Variants in POLR3B observed in about 807,000 individuals in gnomAD.
POLR3B encodes RNA polymerase III subunit B.
POLR3B carries 96 observed loss-of-function variants against 147.4 expected under a neutral mutation model. The ratio of observed to expected loss-of-function variants is 0.65; its 90% CI spans 0.55 to 0.77. POLR3B has a LOEUF of 0.77. POLR3B is among the 30% of genes least tolerant of loss of function. POLR3B has a pLI of 0.00. For synonymous variants in POLR3B, 461 were observed against 485.9 expected (o/e 0.95, Z 0.67); for missense variants, 1,036 against 1,413.5 (o/e 0.73, Z 4.28).
At chr12:106,393,495 G>T (rs1593015225) in intron 10 of POLR3B, among the ~76,000 whole-genome samples, 1 of 32,516 alleles carries the variant, frequency 3.1e-5, no homozygotes, top group Admixed American at 5.8e-4. Context: ...CAGGTTTTGT[G>T]TGTGTGTGTG....
intron 10 of POLR3B, among the ~76,000 whole-genome samples, chr12:106,402,495 A>C (rs1345659895): frequency 6.6e-6 from 1 of 152,242 alleles, no homozygotes; most frequent in Non-Finnish European, 1.5e-5. Context: ...AAGAGCCCGC[A>C]TCGCCAAGTC....
chr12:106,360,200 G>A (rs1309606013), intron 1 of POLR3B, among the ~76,000 whole-genome samples: 3 of 152,236 alleles, frequency 2.0e-5, no homozygotes, highest in Non-Finnish European at 2.9e-5. Flanking sequence ...TGCAGCCAGA[G>A]CTGTCCGTTT....
At position 106,416,386 on chromosome 12, in the gene POLR3B, C is replaced by T. The variant is rs140851398; in HGVS notation, c.1101+5426C>T. Among the ~76,000 whole-genome samples the T allele has an allele frequency of 2.4e-3, 361 of 152,260 alleles. 1 individual carries two copies. Among genetic ancestry groups the T allele is most frequent in the Non-Finnish European group, 4.6e-3 (314 of 68,016 alleles). On this transcript the variant is annotated intron_variant, in intron 12 of 27. Coordinates refer to ENST00000228347, the MANE Select transcript of POLR3B (RefSeq NM_018082.6). ...CCATTCAGTTTAAGAATGAACACAG[C>T]GTCAGTACATTTGAATCCTCCATGT...
intron 9 of POLR3B, among the ~76,000 whole-genome samples, chr12:106,386,554 CA>C (rs1479031410): frequency 6.6e-6 from 1 of 152,076 alleles, no homozygotes; most frequent in Non-Finnish European, 1.5e-5. Flanking sequence ...TGACTAGACT[CA>C]TGCATACATT....
chr12:106,374,826 G>GT (rs1473604809), intron 6 of POLR3B, among the ~76,000 whole-genome samples: 1 of 152,172 alleles, frequency 6.6e-6, no homozygotes, highest in South Asian at 2.1e-4. Context: ...TCCTTGGCAT[G>GT]TTTTTTTCAC....
chr12:106,372,723 T>C lies in POLR3B; in HGVS notation c.404+3040T>C, dbSNP rs1307356959. ...AGACATTATTTTTTCCCTCCTGATA[T>C]ACGGGATGTGGCTTAGCTTACCTGT... is the stretch of plus-strand genomic sequence containing the variant. On this transcript the variant is annotated intron_variant, in intron 6 of 27. Transcript: ENST00000228347. Among the ~76,000 whole-genome samples the C allele has an allele frequency of 4.6e-5, 7 of 152,314 alleles. No individual in the cohort carries two copies. In the South Asian group the frequency reaches 1.0e-3, roughly 23 times the overall value.
intron 12 of POLR3B, among the ~76,000 whole-genome samples, chr12:106,421,724 G>A (rs1442852736): frequency 1.3e-5 from 2 of 151,946 alleles, no homozygotes; most frequent in East Asian, 3.9e-4. Context: ...TTTTGAGACA[G>A]AGTCTGGCTC....
intron 14 of POLR3B, among the ~76,000 whole-genome samples, chr12:106,430,880 G>A (rs2037501492): frequency 6.6e-6 from 1 of 152,108 alleles, no homozygotes; most frequent in South Asian, 2.1e-4. Flanking sequence ...GGAGTATACA[G>A]TCCATGACCT....
At chr12:106,433,915 T>C in intron 16 of POLR3B, 43 bp downstream of exon 16, 1 of 1,506,256 alleles carries the variant, frequency 6.6e-7, no homozygotes, top group Non-Finnish European at 9.2e-7. Context: ...AGAATCTCTT[T>C]ATATTTGCTC....
intron 9 of POLR3B, among the ~76,000 whole-genome samples, chr12:106,389,839 T>G (rs1284939191): frequency 6.6e-6 from 1 of 152,186 alleles, no homozygotes; most frequent in East Asian, 1.9e-4. Context: ...GGCTATAGTA[T>G]GCACTGCAGT....
chr12:106,378,426 T>C, intron 8 of POLR3B, 42 bp downstream of exon 8: 2 of 1,190,416 alleles, frequency 1.7e-6, no homozygotes, highest in South Asian at 2.4e-5. Context: ...ATATTGGTCA[T>C]TCCATTAGTC....
intron 16 of POLR3B, 50 bp from the exon 17 acceptor site, chr12:106,437,007 T>A: frequency 7.0e-7 from 1 of 1,421,760 alleles, no homozygotes; most frequent in South Asian, 1.2e-5. Flanking sequence ...CTTGCCTGTG[T>A]AATTTTTCCC....
At chr12:106,437,372 A>T (rs1050166433) in intron 17 of POLR3B, among the ~76,000 whole-genome samples, 4 of 152,170 alleles carry the variant, frequency 2.6e-5, no homozygotes, top group Non-Finnish European at 5.9e-5. Flanking sequence ...TAAGAAAAGG[A>T]CTTACATCAT....
intron 23 of POLR3B, among the ~76,000 whole-genome samples, chr12:106,487,906 C>G (rs954289014): frequency 1.3e-5 from 2 of 152,132 alleles, no homozygotes; most frequent in Non-Finnish European, 2.9e-5. Flanking sequence ...AACATCAGTG[C>G]TGCATGATAA....
intron 27 of POLR3B, 58 bp from the exon 28 acceptor site, chr12:106,509,362 G>A (rs1204533446): frequency 1.4e-5 from 22 of 1,592,160 alleles, no homozygotes; most frequent in Admixed American, 1.2e-4. Context: ...CACTTCCTAC[G>A]TGGAGGCCTT....
At chr12:106,468,989 A>T (rs1163316364) in intron 23 of POLR3B, among the ~76,000 whole-genome samples, 2 of 152,128 alleles carry the variant, frequency 1.3e-5, no homozygotes, top group Admixed American at 1.3e-4. Flanking sequence ...CAAGTCCTGG[A>T]TATCCTTGTT....
chr12:106,447,316 C>T (rs1301916308), intron 19 of POLR3B, among the ~76,000 whole-genome samples: 1 of 152,088 alleles, frequency 6.6e-6, no homozygotes, highest in Non-Finnish European at 1.5e-5. Flanking sequence ...ACGAAGGAGA[C>T]CAAGGCCAGC....
At chr12:106,445,608 T>A (rs1025438531) in intron 19 of POLR3B, among the ~76,000 whole-genome samples, 1 of 152,164 alleles carries the variant, frequency 6.6e-6, no homozygotes, top group African/African-American at 2.4e-5. Flanking sequence ...AAAAAAAAAG[T>A]TTTACTTATA....
At chr12:106,440,082 G>GAAAAC in intron 18 of POLR3B, among the ~76,000 whole-genome samples, 1 of 152,076 alleles carries the variant, frequency 6.6e-6, no homozygotes, top group Non-Finnish European at 1.5e-5. Context: ...ATATAGATAT[G>GAAAAC]TATCCTGAGT....
Sources: gnomAD v4.1 joint callset for allele counts (sites outside exome capture counted in the v4.1 genomes callset) on GRCh38, gnomAD v4.1.1 for gene constraint, MANE v1.5 for transcripts, NCBI Gene and HGNC (gene_info 2026-07-23, HGNC 2026-07-21) for gene names.